TMEM18: variants seen among roughly 807,000 people sequenced by gnomAD.
TMEM18 encodes the protein transmembrane protein 18.
TMEM18 carries 14 observed loss-of-function variants against 17.4 expected under a neutral mutation model. The ratio of observed to expected loss-of-function variants is 0.80; its 90% CI spans 0.53 to 1.25. The LOEUF (loss-of-function observed/expected upper bound fraction) is 1.25, where lower values mean the gene tolerates loss of function less well. Ranked by LOEUF, TMEM18 falls within the 50% of genes most tolerant of loss-of-function variation. The pLI is 0.00. For missense variants in TMEM18, 187 were observed against 172.1 expected (o/e 1.09, Z -0.48); for synonymous variants, 86 against 66.1 (o/e 1.30, Z -1.46).
At chr2:676,442 T>C (rs1305648617) in intron 1 of TMEM18, 10 of 1,119,806 alleles carry the variant, frequency 8.9e-6, no homozygotes, top group Non-Finnish European at 1.2e-5. Context: ...CGCCCTGCCC[T>C]CCAAGCTGCA....
intron 1 of TMEM18, chr2:676,150 G>A (rs1177855045): frequency 1.5e-6 from 2 of 1,330,290 alleles, no homozygotes; most frequent in African/African-American, 3.0e-5. Flanking sequence ...TGCAAGACTT[G>A]ATTTTCTCCA....
At chr2:675,775 T>C (rs773975940) in intron 1 of TMEM18, 145 bp from the exon 2 acceptor site, 1,218 of 1,533,518 alleles carry the variant, frequency 7.9e-4, no homozygotes, top group Non-Finnish European at 9.6e-4. Context: ...CCAGAGAGCA[T>C]TGCCAGGCCT....
In TMEM18 at chr2:669,554, C is replaced by T. The variant is rs745371002; in HGVS notation, c.*26G>A. The T allele has an allele frequency of 2.9e-5, 47 of 1,612,168 alleles. No individual in the cohort carries two copies. Among genetic ancestry groups the T allele is most frequent in the African/African-American group, 4.0e-5 (3 of 74,900 alleles). ...AGCTGCACTGGGTGGACGGGAAGGACGCAAACTCCAAGCAGCTGCTGCCCC... is the reference window on the plus strand; with the variant it reads ...AGCTGCACTGGGTGGACGGGAAGGATGCAAACTCCAAGCAGCTGCTGCCCC... On this transcript the variant is annotated 3_prime_UTR_variant, in exon 5 of 5. Transcript: ENST00000281017.
At chr2:676,241 G>A (rs1179621392) in intron 1 of TMEM18, 3 of 1,415,908 alleles carry the variant, frequency 2.1e-6, no homozygotes, top group East Asian at 3.5e-5. Context: ...TGCTGTACCT[G>A]GGGACAGTGT....
rs1678664507 is a variant in TMEM18, at chr2:665,577, C to CA, written c.*4002dup. ...CAGAGATGCAGATGCCCCACTCACT[C>CA]AGAGAATCAACCCCACATAAAATAG... On this transcript the variant is annotated 3_prime_UTR_variant, in exon 5 of 5. Transcript: ENST00000281017. Among the ~76,000 whole-genome samples the CA allele has an allele frequency of 6.7e-6, 1 of 149,808 alleles. No individual in the cohort carries two copies. Among genetic ancestry groups the CA allele is most frequent in the Admixed American group, 6.6e-5 (1 of 15,078 alleles).
chr2:666,017 G>A lies in TMEM18; in HGVS notation c.*3563C>T, dbSNP rs1459742590. ...TTAACCCCATGTACAACAGAACCCC[G>A]AGATGCAGATGCTCAGCTCACTGAG... On this transcript the variant is annotated 3_prime_UTR_variant, in exon 5 of 5. Coordinates refer to ENST00000281017, the MANE Select transcript of TMEM18 (RefSeq NM_152834.4). 1.3e-5 allele frequency among the ~76,000 whole-genome samples: 2 copies of A among 151,804 alleles called. No homozygotes were observed. Among genetic ancestry groups the A allele is most frequent in the South Asian group, 2.1e-4 (1 of 4,796 alleles).
chr2:676,917 G>A (rs1659256187), intron 1 of TMEM18: 3 of 511,320 alleles, frequency 5.9e-6, no homozygotes, highest in Non-Finnish European at 1.0e-5. Context: ...CACGGTGCAG[G>A]ACGCCAGCCC....
chr2:667,985 C>T lies in TMEM18; in HGVS notation c.*1595G>A, dbSNP rs1678737073. 1 of 152,200 alleles carries T rather than the reference C, an allele frequency of 6.6e-6. No homozygotes were observed. The highest frequency in any genetic ancestry group is 1.5e-5 in the Non-Finnish European group (1 of 68,036). 9.4% of individuals were successfully genotyped at this position (152,200 alleles called of 1,614,324 possible). A position where few individuals can be genotyped will look rare whatever the true frequency, so the allele number is the denominator to read the frequency against. ...CCTGAGACCTGGATTACTTTATAAA[C>T]AAGAAGTTTAATTGACTCAGTTCCA... On this transcript the variant is annotated 3_prime_UTR_variant, in exon 5 of 5. Coordinates refer to ENST00000281017, the MANE Select transcript of TMEM18 (RefSeq NM_152834.4).
At chr2:672,779 C>A (rs996221546) in intron 3 of TMEM18, 29 bp downstream of exon 3, 4 of 1,449,102 alleles carry the variant, frequency 2.8e-6, no homozygotes, top group Non-Finnish European at 3.6e-6. Context: ...CCTGCAGGGA[C>A]CTGGTCACAG....
rs201376241 is a variant in TMEM18, at chr2:675,548, C to T, written c.140G>A (p.Arg47Gln). The T allele has an allele frequency of 4.3e-6, 7 of 1,614,100 alleles. No homozygotes were observed. The highest frequency in any genetic ancestry group is 5.9e-6 in the Non-Finnish European group (7 of 1,180,048). The change falls in exon 2 of 5, where the codon CGA becomes CAA. Residue 47 changes from arginine to glutamine, a missense_variant. Arg to Gln is a conservative substitution (Grantham distance 43). Coordinates refer to ENST00000281017, the MANE Select transcript of TMEM18 (RefSeq NM_152834.4). ...GTGCCCGATCTGTAGTCTGTAGCTTCGGGAGGACAAGCAGGTGAGGAGCAC... is the reference window on the plus strand; with the variant it reads ...GTGCCCGATCTGTAGTCTGTAGCTTTGGGAGGACAAGCAGGTGAGGAGCAC... Reference protein sequence around the residue: ...LCVLLTCLSSRSYRLQIGHFL... With the variant: ...LCVLLTCLSSQSYRLQIGHFL...
chr2:676,920 G>GCCAGC (rs1659261438), intron 1 of TMEM18: 2 of 489,482 alleles, frequency 4.1e-6, no homozygotes, highest in Non-Finnish European at 7.1e-6. Context: ...GGTGCAGGAC[G>GCCAGC]CCAGCCCAGC....
Position 676,754 on chromosome 2 carries a change from A to G in TMEM18, c.57+535T>C, listed in dbSNP as rs1659246937. 2.9e-6 allele frequency: 3 copies of G among 1,024,256 alleles called. No individual in the cohort carries two copies. In the East Asian group the frequency reaches 8.0e-5, roughly 27 times the overall value. The allele number at this position is 1,024,256 out of a possible 1,614,324, so 63.4% of individuals were successfully genotyped here. Reference sequence around the variant, plus strand: ...GCGTTCCTCCGTGCCACCCCACACGATCAGGCTCCACCACGCACGCCCCGC... The same window carrying G: ...GCGTTCCTCCGTGCCACCCCACACGGTCAGGCTCCACCACGCACGCCCCGC... On this transcript the variant is annotated intron_variant, in intron 1 of 4. Transcript: ENST00000281017.
At chr2:676,556 T>G (rs1415148953) in intron 1 of TMEM18, 1 of 1,549,958 alleles carries the variant, frequency 6.5e-7, no homozygotes, top group Non-Finnish European at 8.7e-7. Context: ...GCGCATCTAC[T>G]CCCATCAATG....
rs1447034242 is a variant in TMEM18, at chr2:666,424, C to T, written c.*3156G>A. On this transcript the variant is annotated 3_prime_UTR_variant, in exon 5 of 5. Transcript: ENST00000281017. The stretch of plus-strand genomic sequence containing the variant: ...ATAATAGCTACACCTTCCCCCAAAG[C>T]GAGGAAAGATCTAACTGTACAGGCC... Among the ~76,000 whole-genome samples, 4 of 152,134 alleles carry T rather than the reference C, an allele frequency of 2.6e-5. No homozygotes were observed. The highest frequency in any genetic ancestry group is 2.1e-4 in the South Asian group (1 of 4,826).
intron 1 of TMEM18, chr2:676,412 T>A (rs1017519813): frequency 7.5e-7 from 1 of 1,325,322 alleles, no homozygotes; most frequent in Non-Finnish European, 1.0e-6. Flanking sequence ...AGCCCCGCCC[T>A]GCCCTCCAAG....
At chr2:674,940 C>G (rs1388995298) in intron 2 of TMEM18, among the ~76,000 whole-genome samples, 2 of 152,212 alleles carry the variant, frequency 1.3e-5, no homozygotes, top group Non-Finnish European at 2.9e-5. Flanking sequence ...CTCTGCATGT[C>G]GGGCTGCTGC....
Position 668,857 on chromosome 2 carries a change from T to G in TMEM18, c.*723A>C, listed in dbSNP as rs1044348353. The G allele has an allele frequency of 3.3e-5, 5 of 152,260 alleles. No homozygotes were observed. The highest frequency in any genetic ancestry group is 1.2e-4 in the African/African-American group (5 of 41,472). 9.4% of individuals were successfully genotyped at this position (152,260 alleles called of 1,614,324 possible). A position where few individuals can be genotyped will look rare whatever the true frequency, so the allele number is the denominator to read the frequency against. On this transcript the variant is annotated 3_prime_UTR_variant, in exon 5 of 5. Coordinates refer to ENST00000281017, the MANE Select transcript of TMEM18 (RefSeq NM_152834.4). ...AGTGTTGACTTCAGGGCTTCCATTCTGTTTTCAGTAAAGCAGCCCATAACT... is the reference window on the plus strand; with the variant it reads ...AGTGTTGACTTCAGGGCTTCCATTCGGTTTTCAGTAAAGCAGCCCATAACT...
At chr2:672,334 C>G (rs1274459544) in intron 3 of TMEM18, among the ~76,000 whole-genome samples, 2 of 152,070 alleles carry the variant, frequency 1.3e-5, no homozygotes, top group African/African-American at 4.8e-5. Context: ...GCAGAGGACG[C>G]AGGGCCAGGG....
rs780548036 is a variant in TMEM18 at position 677,354 on chromosome 2, G to A, written c.-9C>T. The A allele has an allele frequency of 1.2e-5, 19 of 1,611,304 alleles. No homozygotes were observed. The East Asian group carries it at 3.1e-4, about 26-fold the overall frequency. On this transcript the variant is annotated 5_prime_UTR_variant, in exon 1 of 5. Coordinates refer to ENST00000281017, the MANE Select transcript of TMEM18 (RefSeq NM_152834.4). ...GAGAAGGCGGACGGCATGGTGTTGGGAAGCCCGCTCTCACAGCAACCGCCG... is the reference window on the plus strand; with the variant it reads ...GAGAAGGCGGACGGCATGGTGTTGGAAAGCCCGCTCTCACAGCAACCGCCG...
Sources: gnomAD v4.1 joint callset for allele counts (sites outside exome capture counted in the v4.1 genomes callset) on GRCh38, gnomAD v4.1.1 for gene constraint, MANE v1.5 for transcripts, NCBI Gene and HGNC (gene_info 2026-07-23, HGNC 2026-07-21) for gene names.